The following DNAJB6 variants were observed in gnomAD, a reference collection of about 807,000 sequenced individuals.
DNAJB6 encodes the protein DnaJ heat shock protein family (Hsp40) member B6, also known as dnaJ homolog subfamily B member 6.
Under a neutral mutation model 42.7 loss-of-function variants are expected in DNAJB6, and 16 were observed. The observed-to-expected ratio is 0.37, with a 90% CI of 0.25 to 0.57. The LOEUF (loss-of-function observed/expected upper bound fraction) is 0.57. Among genes scored for constraint, DNAJB6 ranks in the 20% least tolerant of loss-of-function variants. The probability of loss-of-function intolerance (pLI) is 0.74; values close to 1 mark genes in which losing one functional copy is unlikely to be tolerated. For synonymous variants in DNAJB6, 170 were observed against 163.5 expected, an observed-to-expected ratio of 1.04 and a Z score of -0.30; for missense variants, 347 against 416.8, an observed-to-expected ratio of 0.83 and a Z score of 1.46.
chr7:157,354,042 A>G (rs1584889647), intron 1 of DNAJB6, among the ~76,000 whole-genome samples: 1 of 152,148 alleles, frequency 6.6e-6, no homozygotes, highest in East Asian at 1.9e-4. Flanking sequence ...TTTTATTTCA[A>G]TTTAATTCTG....
chr7:157,413,694 T>G (rs1796035383), intron 9 of DNAJB6: 1 of 151,956 alleles, frequency 6.6e-6, no homozygotes, highest in Non-Finnish European at 1.5e-5. Flanking sequence ...AGGCCTGCTC[T>G]GTTTTTCTCA....
intron 3 of DNAJB6, among the ~76,000 whole-genome samples, chr7:157,366,014 G>C (rs528169696): frequency 6.6e-6 from 1 of 151,702 alleles, no homozygotes; most frequent in East Asian, 1.9e-4. Flanking sequence ...GCAATGGCAC[G>C]ATCTTGGCTC....
rs749917279 is a variant in DNAJB6 at position 157,363,228 on chromosome 7, A to G, written c.133A>G (p.Lys45Glu). The G allele has an allele frequency of 5.6e-6, 9 of 1,611,688 alleles. No homozygotes were observed. The Admixed American group carries it at 1.5e-4, about 27-fold the overall frequency. The change falls in exon 3 of 10, where the codon AAA (lysine) becomes GAA (glutamate). Residue 45 changes from lysine to glutamate, a missense_variant. Coordinates refer to ENST00000262177, the MANE Select transcript of DNAJB6 (RefSeq NM_058246.4). ...NPENKEEAERKFKQVAEAYEV... is the reference protein window; with the variant it reads ...NPENKEEAEREFKQVAEAYEV... Reference sequence around the variant, plus strand: ...TGAGAATAAAGAAGAAGCAGAGAGAAAATTCAAGCAAGTAGCGGAGGCATA... The same window carrying G: ...TGAGAATAAAGAAGAAGCAGAGAGAGAATTCAAGCAAGTAGCGGAGGCATA...
chr7:157,371,501 G>A (rs891939669), intron 5 of DNAJB6, among the ~76,000 whole-genome samples: 3 of 152,196 alleles, frequency 2.0e-5, no homozygotes, highest in African/African-American at 7.2e-5. Flanking sequence ...CCTGGGGCCT[G>A]CGGTGTGGAA....
intron 1 of DNAJB6, among the ~76,000 whole-genome samples, chr7:157,353,150 A>G (rs1799085159): frequency 6.6e-6 from 1 of 150,458 alleles, no homozygotes; most frequent in Admixed American, 6.8e-5. Context: ...CTGGTCTTGA[A>G]CTGCTGGGCT....
chr7:157,346,794 C>T (rs891439538), intron 1 of DNAJB6, among the ~76,000 whole-genome samples: 1 of 152,228 alleles, frequency 6.6e-6, no homozygotes, highest in Non-Finnish European at 1.5e-5. Context: ...GCACTTCAGC[C>T]AGCTCTGCAG....
intron 1 of DNAJB6, among the ~76,000 whole-genome samples, chr7:157,356,415 C>T (rs1584892862): frequency 2.6e-5 from 4 of 152,298 alleles, no homozygotes; most frequent in South Asian, 2.1e-4. Context: ...AAGAAGATTG[C>T]GGTGTTCCTA....
At chr7:157,403,016 G>A (rs1013827596) in intron 8 of DNAJB6, among the ~76,000 whole-genome samples, 4 of 152,190 alleles carry the variant, frequency 2.6e-5, no homozygotes, top group African/African-American at 4.8e-5. Context: ...ACAGGTGCCC[G>A]AGGTGGTCGG....
rs145032298 is a variant in DNAJB6, at chr7:157,360,159, T to G, written c.65+1522T>G. 4.3e-3 allele frequency among the ~76,000 whole-genome samples: 658 copies of G among 152,340 alleles called. 2 individuals carry two copies. The highest frequency in any genetic ancestry group is 0.015 in the African/African-American group (641 of 41,572). ...ACTGGGAAGAAAAGGAGGTTTAATT[T>G]GACTTACAGTTCCACATGGCTGGGG... On this transcript the variant is annotated intron_variant, in intron 2 of 9. Coordinates refer to ENST00000262177, the MANE Select transcript of DNAJB6 (RefSeq NM_058246.4).
At chr7:157,374,236 G>A (rs530157289) in intron 5 of DNAJB6, among the ~76,000 whole-genome samples, 8 of 152,090 alleles carry the variant, frequency 5.3e-5, no homozygotes, top group African/African-American at 1.7e-4. Context: ...AGAACTCCTC[G>A]TGTTGAGATG....
At chr7:157,403,288 T>C (rs551624347) in intron 8 of DNAJB6, among the ~76,000 whole-genome samples, 52 of 152,238 alleles carry the variant, frequency 3.4e-4, no homozygotes, top group African/African-American at 1.2e-3. Flanking sequence ...CAGTCAGATA[T>C]GCGTTTGTTT....
intron 8 of DNAJB6, among the ~76,000 whole-genome samples, chr7:157,398,622 G>T (rs573056309): frequency 3.9e-5 from 6 of 152,038 alleles, no homozygotes; most frequent in South Asian, 2.1e-4. Flanking sequence ...TTGGCTTGAG[G>T]GGGGGGATGC....
At chr7:157,394,093 T>C (rs1423903759) in intron 8 of DNAJB6, among the ~76,000 whole-genome samples, 1 of 152,238 alleles carries the variant, frequency 6.6e-6, no homozygotes, top group Non-Finnish European at 1.5e-5. Flanking sequence ...CCTATTTTGG[T>C]TAGTTGTGCT....
In DNAJB6 at chr7:157,409,300, G is replaced by T. The variant is rs1042850837; in HGVS notation, c.692-495G>T. Among the ~76,000 whole-genome samples, 5 of 152,322 alleles carry T rather than the reference G, an allele frequency of 3.3e-5. No individual in the cohort carries two copies. In the East Asian group the frequency reaches 9.6e-4, roughly 29 times the overall value. On this transcript the variant is annotated intron_variant, in intron 8 of 9. Coordinates refer to ENST00000262177, the MANE Select transcript of DNAJB6 (RefSeq NM_058246.4). ...GGAGTGGCCGGGATGGCCCTGCCTT[G>T]GGCGGGGCTGTGGCTCCCGTGGGCG... is the stretch of plus-strand genomic sequence containing the variant.
intron 2 of DNAJB6, among the ~76,000 whole-genome samples, chr7:157,360,629 T>A (rs1258164360): frequency 1.3e-5 from 2 of 152,224 alleles, no homozygotes; most frequent in Non-Finnish European, 2.9e-5. Flanking sequence ...TGAGATTTCC[T>A]GCACTCCTGA....
At chr7:157,340,203 G>A (rs945032522) in intron 1 of DNAJB6, 1 of 152,216 alleles carries the variant, frequency 6.6e-6, no homozygotes, top group African/African-American at 2.4e-5. Context: ...TGGATTAACA[G>A]CGTTTTTTGG....
Position 157,416,847 on chromosome 7 carries a change from T to C in DNAJB6, c.*749T>C, listed in dbSNP as rs1274411207. ...CCATGCTGGGGAAAACGGGCCGGTA[T>C]TTACACACGCGCAAAACACCCAGAG... On this transcript the variant is annotated 3_prime_UTR_variant, in exon 10 of 10. Coordinates refer to ENST00000262177, the MANE Select transcript of DNAJB6 (RefSeq NM_058246.4). 1 of 152,204 alleles carries C rather than the reference T, an allele frequency of 6.6e-6. No individual in the cohort carries two copies. The highest frequency in any genetic ancestry group is 1.5e-5 in the Non-Finnish European group (1 of 68,034). 9.4% of individuals were successfully genotyped at this position (152,204 alleles called of 1,614,324 possible).
chr7:157,360,193 C>T (rs1799506910), intron 2 of DNAJB6, among the ~76,000 whole-genome samples: 1 of 152,126 alleles, frequency 6.6e-6, no homozygotes, highest in African/African-American at 2.4e-5. Flanking sequence ...GGAGGTCTTA[C>T]AATCATGGAG....
chr7:157,362,343 C>T (rs370110159), intron 2 of DNAJB6, among the ~76,000 whole-genome samples: 1 of 152,138 alleles, frequency 6.6e-6, no homozygotes. Flanking sequence ...GATGTTGGAT[C>T]TTGCTGCTCA....
Sources: allele counts gnomAD v4.1 joint callset (sites outside exome capture counted in the v4.1 genomes callset), GRCh38; gene constraint gnomAD v4.1.1; transcripts MANE v1.5; gene names NCBI Gene and HGNC (gene_info 2026-07-23, HGNC 2026-07-21).